MACROD1: variants seen among roughly 807,000 people sequenced by gnomAD.
MACROD1 encodes ADP-ribose glycohydrolase MACROD1.
MACROD1 carries 31 observed loss-of-function variants against 41.4 expected under a neutral mutation model. The observed-to-expected ratio is 0.75, with a 90% CI of 0.56 to 1.01. The LOEUF is 1.01. MACROD1 is among the 50% of genes least tolerant of loss of function. MACROD1 has a pLI of 0.00. For missense variants in MACROD1, 473 were observed against 460.0 expected, an observed-to-expected ratio of 1.03 and a Z score of -0.26; for synonymous variants, 252 against 203.4, an observed-to-expected ratio of 1.24 and a Z score of -2.03.
intron 3 of MACROD1, among the ~76,000 whole-genome samples, chr11:64,107,350 C>T (rs989061448): frequency 6.6e-6 from 1 of 152,134 alleles, no homozygotes; most frequent in African/African-American, 2.4e-5. Flanking sequence ...CCCCCACCCC[C>T]TCCTGGCCTT....
intron 3 of MACROD1, among the ~76,000 whole-genome samples, chr11:64,025,748 C>T (rs796731018): frequency 2.0e-4 from 30 of 149,284 alleles, no homozygotes; most frequent in African/African-American, 6.9e-4. Context: ...GACGGTCTCG[C>T]TCTGTTGCCC....
At chr11:64,131,578 G>A (rs12574258) in intron 3 of MACROD1, among the ~76,000 whole-genome samples, 25,070 of 152,082 alleles carry the variant, frequency 0.16, 2,312 homozygotes, top group Admixed American at 0.28. Flanking sequence ...CACCCGCATC[G>A]GCCTCCCAAA....
intron 3 of MACROD1, among the ~76,000 whole-genome samples, chr11:64,035,772 C>A (rs1943365717): frequency 1.8e-5 from 1 of 54,262 alleles, no homozygotes; most frequent in Admixed American, 1.8e-4. Flanking sequence ...GCACGCACGG[C>A]CCCCGCCGCC....
intron 3 of MACROD1, chr11:64,148,776 A>T (rs1156976496): frequency 3.0e-6 from 3 of 985,638 alleles, no homozygotes; most frequent in Non-Finnish European, 3.6e-6. Context: ...TCCACTAATA[A>T]ACAGGCTGAT....
chr11:64,124,708 T>G (rs1702572362), intron 3 of MACROD1, among the ~76,000 whole-genome samples: 1 of 151,912 alleles, frequency 6.6e-6, no homozygotes, highest in Non-Finnish European at 1.5e-5. Context: ...TAGACAGAGT[T>G]TTGCTCTTGT....
At chr11:64,131,484 G>A (rs921940458) in intron 3 of MACROD1, among the ~76,000 whole-genome samples, 2 of 152,114 alleles carry the variant, frequency 1.3e-5, no homozygotes, top group Non-Finnish European at 2.9e-5. Flanking sequence ...GTGCTACCAC[G>A]CCCAGCTAAT....
rs917239965 is a variant in MACROD1 at position 64,166,110 on chromosome 11, G to T, written c.-116C>A. The T allele has an allele frequency of 4.3e-6, 5 of 1,153,502 alleles. No individual in the cohort carries two copies. Among genetic ancestry groups the T allele is most frequent in the Non-Finnish European group, 5.4e-6 (5 of 917,746 alleles). The allele number at this position is 1,153,502 out of a possible 1,614,324, so 71.5% of individuals were successfully genotyped here. On this transcript the variant is annotated 5_prime_UTR_variant, in exon 1 of 11. Coordinates refer to ENST00000255681, the MANE Select transcript of MACROD1 (RefSeq NM_014067.4). ...GGCGACTGCCAGCCAGCGGCGACCTGCTCGGAGCCAGCGGGAGGCGCGGCC... is the reference window on the plus strand; with the variant it reads ...GGCGACTGCCAGCCAGCGGCGACCTTCTCGGAGCCAGCGGGAGGCGCGGCC...
chr11:63,998,868 T>C lies in MACROD1; in HGVS notation c.978A>G (p.Ter326TrpextTer7), dbSNP rs1362249338. 6.3e-7 allele frequency: 1 copy of C among 1,593,312 alleles called. No individual in the cohort carries two copies. The highest frequency in any genetic ancestry group is 2.3e-5 in the East Asian group (1 of 44,404). ...CCGGTCAGGGTGGGCTGCGGGAGCC[T>C]CAGGCTGGAAGGCAGAGGACAGTGA... ...SRLPHYFPVA* is the reference protein window; with the variant it reads ...SRLPHYFPVAW The change falls in exon 10 of 11, where the codon TGA (stop) becomes TGG (tryptophan). Residue 326 changes from the stop codon to tryptophan, a stop_lost. Transcript: ENST00000255681.
At chr11:64,132,161 G>A (rs145676360) in intron 3 of MACROD1, among the ~76,000 whole-genome samples, 189 of 152,200 alleles carry the variant, frequency 1.2e-3, no homozygotes, top group Middle Eastern at 6.8e-3. Context: ...CCTACAGTCT[G>A]GGATGTGGTT....
intron 3 of MACROD1, among the ~76,000 whole-genome samples, chr11:64,148,417 C>T (rs1172164251): frequency 6.6e-6 from 1 of 152,178 alleles, no homozygotes; most frequent in Non-Finnish European, 1.5e-5. Context: ...GAAGCTCCGG[C>T]GGGCGGCCAG....
chr11:64,052,182 G>A (rs758953730), intron 3 of MACROD1, among the ~76,000 whole-genome samples: 9 of 152,010 alleles, frequency 5.9e-5, no homozygotes, highest in South Asian at 2.1e-4. Context: ...CCAGAGCCCC[G>A]GTGCCAAACC....
rs1198382708 is a variant in MACROD1, at chr11:64,120,213, C to T, written c.517+31026G>A. On this transcript the variant is annotated intron_variant, in intron 3 of 10. Coordinates refer to ENST00000255681, the MANE Select transcript of MACROD1 (RefSeq NM_014067.4). This position sits in a 1 kb window ranked among gnomAD's most constrained non-coding sequence, Gnocchi z 4.5. ...GAAAAATGGGCACAGGCTCCCAGCA[C>T]GGCCTGGGGGGGCTAGCCCACGAAA... is the stretch of plus-strand genomic sequence containing the variant. Among the ~76,000 whole-genome samples the T allele has an allele frequency of 1.3e-5, 2 of 152,190 alleles. No homozygotes were observed. Among genetic ancestry groups the T allele is most frequent in the African/African-American group, 2.4e-5 (1 of 41,452 alleles).
At chr11:64,001,628 G>T in intron 4 of MACROD1, 1 of 701,122 alleles carries the variant, frequency 1.4e-6, no homozygotes. Context: ...TTCCCAGAGC[G>T]TCCCAGGGAT....
chr11:64,146,049 C>T lies in MACROD1; in HGVS notation c.517+5190G>A, dbSNP rs1014112378. Among the ~76,000 whole-genome samples the T allele has an allele frequency of 6.6e-6, 1 of 151,256 alleles. No individual in the cohort carries two copies. The highest frequency in any genetic ancestry group is 1.5e-5 in the Non-Finnish European group (1 of 67,860). ...CCTCCCAAAGTGCTAGGATAACAGG[C>T]GTGAGCCACCGTGCCTGGCCAAGAA... is the stretch of plus-strand genomic sequence containing the variant. On this transcript the variant is annotated intron_variant, in intron 3 of 10. Transcript: ENST00000255681. This position sits in a 1 kb window ranked among gnomAD's most constrained non-coding sequence, Gnocchi z 4.7.
chr11:64,026,317 G>T (rs969392358), intron 3 of MACROD1, among the ~76,000 whole-genome samples: 12 of 152,116 alleles, frequency 7.9e-5, no homozygotes, highest in African/African-American at 2.7e-4. Flanking sequence ...GAGCCACTGC[G>T]CTCGGCCTCG....
At position 64,151,318 on chromosome 11, in the gene MACROD1, C is replaced by G. The variant is rs1371691959; in HGVS notation, c.438G>C (p.Lys146Asn). 1.9e-6 allele frequency: 3 copies of G among 1,613,914 alleles called. No homozygotes were observed. The highest frequency in any genetic ancestry group is 2.5e-6 in the Non-Finnish European group (3 of 1,180,014). Residue 146 changes from lysine to asparagine, a missense_variant, in exon 3 of 11, where the codon AAG (lysine) becomes AAC (asparagine). Coordinates refer to ENST00000255681, the MANE Select transcript of MACROD1 (RefSeq NM_014067.4). ...AGATTTTCTCATTGAGCTGCTTGTC[C>G]TTTTTATACCTGGGCTCCTCCACCT... The part of the protein sequence containing the change: ...AVKVEEPRYK[K>N]DKQLNEKISL...
intron 3 of MACROD1, among the ~76,000 whole-genome samples, chr11:64,053,909 C>A (rs1262406631): frequency 6.6e-6 from 1 of 152,146 alleles, no homozygotes; most frequent in African/African-American, 2.4e-5. Flanking sequence ...CGTCATCCCC[C>A]CCACCACCTC....
In MACROD1 at chr11:64,010,224, A is replaced by G. The variant is rs1314914354; in HGVS notation, c.547+5028T>C. ...TGGCATATTGGTTGGGGTGTTGCCC[A>G]GAGTGTTAGCTGGGGTGTTGGTTGG... On this transcript the variant is annotated intron_variant, in intron 4 of 10. Coordinates refer to ENST00000255681, the MANE Select transcript of MACROD1 (RefSeq NM_014067.4). Among the ~76,000 whole-genome samples the G allele has an allele frequency of 3.6e-5, 4 of 111,752 alleles. No homozygotes were observed. The South Asian group carries it at 9.6e-4, about 27-fold the overall frequency. The allele number at this position is 111,752 out of a possible 152,430, so 73.3% of individuals were successfully genotyped here.
chr11:64,018,174 G>A (rs1235815736), intron 3 of MACROD1, among the ~76,000 whole-genome samples: 1 of 152,158 alleles, frequency 6.6e-6, no homozygotes, highest in Non-Finnish European at 1.5e-5. Flanking sequence ...TGGGGGCTCA[G>A]ACTTGGATGC....
Sources: allele counts gnomAD v4.1 joint callset (sites outside exome capture counted in the v4.1 genomes callset), GRCh38; gene constraint gnomAD v4.1.1; non-coding constraint Gnocchi (gnomAD v3.1); transcripts MANE v1.5; gene names NCBI Gene and HGNC (gene_info 2026-07-23, HGNC 2026-07-21).